Variants in PPP1R1C observed in about 807,000 individuals in gnomAD.
The protein encoded by PPP1R1C is protein phosphatase 1 regulatory subunit 1C.
PPP1R1C carries 15 observed loss-of-function variants against 17.4 expected under a neutral mutation model. The observed-to-expected ratio is 0.86, with a 90% CI of 0.58 to 1.33. PPP1R1C has a LOEUF of 1.33. Ranked by LOEUF, PPP1R1C falls within the 40% of genes most tolerant of loss-of-function variation. The pLI is 0.00. For synonymous variants in PPP1R1C, 35 were observed against 43.1 expected (o/e 0.81, Z 0.73); for missense variants, 143 against 130.0 (o/e 1.10, Z -0.48).
intron 4 of PPP1R1C, among the ~76,000 whole-genome samples, chr2:182,080,859 A>G (rs1178343687): frequency 1.3e-5 from 2 of 152,212 alleles, no homozygotes; most frequent in Non-Finnish European, 2.9e-5. Flanking sequence ...ACCTTGAGAA[A>G]GTTATTTAAA....
At chr2:182,071,524 A>G (rs1265510029) in intron 4 of PPP1R1C, among the ~76,000 whole-genome samples, 2 of 152,164 alleles carry the variant, frequency 1.3e-5, no homozygotes, top group African/African-American at 4.8e-5. Flanking sequence ...TCTTCACTGT[A>G]AAGTTATCCT....
intron 5 of PPP1R1C, among the ~76,000 whole-genome samples, chr2:182,125,976 C>G (rs2163696): frequency 0.36 from 55,293 of 151,840 alleles, 10,724 homozygotes; most frequent in Non-Finnish European, 0.43. Context: ...TTTGTTCTTG[C>G]TTCTCTACTT....
At chr2:182,065,277 C>A (rs1217275076) in intron 4 of PPP1R1C, among the ~76,000 whole-genome samples, 1 of 151,946 alleles carries the variant, frequency 6.6e-6, no homozygotes, top group Admixed American at 6.6e-5. Flanking sequence ...CATTTATAAT[C>A]AGAAATGATT....
At chr2:182,096,699 C>G (rs1270450190) in intron 4 of PPP1R1C, among the ~76,000 whole-genome samples, 15 of 152,084 alleles carry the variant, frequency 9.9e-5, no homozygotes, top group Admixed American at 9.8e-4. Context: ...ATGGCTGGTT[C>G]CTTTGTTATC....
At position 182,061,683 on chromosome 2, in the gene PPP1R1C, C is replaced by A. The variant is rs563816572; in HGVS notation, c.180+204C>A. On this transcript the variant is annotated intron_variant, in intron 3 of 4. Coordinates refer to ENST00000682840, the MANE Select transcript of PPP1R1C (RefSeq NM_001080545.3). ...TTCTCTACCTATGTAATGCTAACCC[C>A]TGAAAAAACTTTTAAAATAAAACAT... Among the ~76,000 whole-genome samples the A allele has an allele frequency of 7.9e-5, 12 of 152,174 alleles. 1 individual carries two copies. In the South Asian group the frequency reaches 2.5e-3, roughly 32 times the overall value.
intron 1 of PPP1R1C, chr2:181,975,165 A>T (rs898487210): frequency 6.7e-6 from 1 of 149,136 alleles, no homozygotes; most frequent in African/African-American, 2.5e-5. Context: ...TAAACTGGAG[A>T]TAGTACATCA....
At chr2:181,964,210 A>G (rs1406351946) in intron 1 of PPP1R1C, among the ~76,000 whole-genome samples, 2 of 152,188 alleles carry the variant, frequency 1.3e-5, no homozygotes, top group Non-Finnish European at 2.9e-5. Context: ...GAGAACATAC[A>G]AAGTTTGTCT....
chr2:182,081,265 A>G (rs1196458351), intron 4 of PPP1R1C, among the ~76,000 whole-genome samples: 1 of 152,202 alleles, frequency 6.6e-6, no homozygotes, highest in African/African-American at 2.4e-5. Context: ...AAAGGGGGTT[A>G]AAGGGAACGA....
Position 181,987,830 on chromosome 2 carries a change from C to A in PPP1R1C, c.82-9C>A. Reference sequence around the variant, plus strand: ...TCACTGATATTAGCTGGGCTTTTGTCGTTCACAGATCAGGAAAAGAAGACC... The same window carrying A: ...TCACTGATATTAGCTGGGCTTTTGTAGTTCACAGATCAGGAAAAGAAGACC... On this transcript the variant is annotated splice_polypyrimidine_tract_variant and intron_variant, in intron 1 of 4. Coordinates refer to ENST00000682840, the MANE Select transcript of PPP1R1C (RefSeq NM_001080545.3). 1.2e-6 allele frequency: 2 copies of A among 1,612,562 alleles called. No homozygotes were observed. The highest frequency in any genetic ancestry group is 1.1e-5 in the South Asian group (1 of 90,924).
At chr2:181,970,137 T>A (rs945385755) in intron 1 of PPP1R1C, among the ~76,000 whole-genome samples, 4 of 133,422 alleles carry the variant, frequency 3.0e-5, no homozygotes, top group African/African-American at 1.2e-4. Flanking sequence ...CTTATTTAGT[T>A]TTTTTTTTTT....
chr2:182,022,279 T>C (rs1309644484), intron 2 of PPP1R1C, among the ~76,000 whole-genome samples: 1 of 152,218 alleles, frequency 6.6e-6, no homozygotes, highest in African/African-American at 2.4e-5. Flanking sequence ...GAGCATAGGC[T>C]AAATACCACT....
chr2:181,977,001 G>A (rs1289755217), intron 2 of PPP1R1C, among the ~76,000 whole-genome samples: 2 of 151,678 alleles, frequency 1.3e-5, no homozygotes, highest in Non-Finnish European at 2.9e-5. Context: ...AGCTTGGCAT[G>A]GTGACACATG....
intron 4 of PPP1R1C, among the ~76,000 whole-genome samples, chr2:182,114,490 T>G (rs983739319): frequency 6.6e-6 from 1 of 152,154 alleles, no homozygotes; most frequent in Non-Finnish European, 1.5e-5. Flanking sequence ...TACATAGTCC[T>G]CAGCAGGCTT....
chr2:181,973,412 A>G (rs193184237), intron 1 of PPP1R1C, among the ~76,000 whole-genome samples: 331 of 152,348 alleles, frequency 2.2e-3, no homozygotes, highest in Non-Finnish European at 3.7e-3. Context: ...CTGAAGCAAC[A>G]TAAGTCCAAA....
intron 2 of PPP1R1C, among the ~76,000 whole-genome samples, chr2:182,006,558 T>C (rs1685930374): frequency 6.6e-6 from 1 of 152,210 alleles, no homozygotes; most frequent in African/African-American, 2.4e-5. Flanking sequence ...GGTTACAATT[T>C]TTAGCAAAAT....
rs1337216606 is a variant in PPP1R1C at position 182,111,430 on chromosome 2, T to A, written c.242-5777T>A. Among the ~76,000 whole-genome samples the A allele has an allele frequency of 3.9e-5, 6 of 152,300 alleles. No individual in the cohort carries two copies. In the East Asian group the frequency reaches 1.2e-3, roughly 29 times the overall value. ...ATATTAGAACAGAGATTAACTGTGCTGTCTACATATAATTTACGTCAAATA... is the reference window on the plus strand; with the variant it reads ...ATATTAGAACAGAGATTAACTGTGCAGTCTACATATAATTTACGTCAAATA... On this transcript the variant is annotated intron_variant, in intron 4 of 4. Coordinates refer to ENST00000682840, the MANE Select transcript of PPP1R1C (RefSeq NM_001080545.3).
intron 4 of PPP1R1C, among the ~76,000 whole-genome samples, chr2:182,084,137 G>A (rs557880401): frequency 1.8e-4 from 27 of 151,602 alleles, no homozygotes; most frequent in African/African-American, 6.5e-4. Context: ...TATTTTATTT[G>A]TTTGAATTTC....
intron 4 of PPP1R1C, among the ~76,000 whole-genome samples, chr2:182,081,274 G>A (rs1485009663): frequency 1.3e-5 from 2 of 152,130 alleles, no homozygotes; most frequent in Non-Finnish European, 2.9e-5. Context: ...TAAAGGGAAC[G>A]AGAAAAAGCA....
chr2:181,981,888 A>G (rs1018943076), upstream of PPP1R1C, among the ~76,000 whole-genome samples: 2 of 152,226 alleles, frequency 1.3e-5, no homozygotes, highest in Non-Finnish European at 1.5e-5. Context: ...ACTCATATCT[A>G]GATGATATTG....
Sources: allele counts gnomAD v4.1 joint callset (sites outside exome capture counted in the v4.1 genomes callset), GRCh38; gene constraint gnomAD v4.1.1; transcripts MANE v1.5; gene names NCBI Gene and HGNC (gene_info 2026-07-23, HGNC 2026-07-21).